SHISA6: variants seen among roughly 807,000 people sequenced by gnomAD.
SHISA6 encodes shisa family member 6.
SHISA6 carries 22 observed loss-of-function variants against 47.9 expected under a neutral mutation model. The observed-to-expected ratio is 0.46, with a 90% confidence interval of 0.33 to 0.66. The LOEUF is 0.66. Among genes scored for constraint, SHISA6 ranks in the 30% least tolerant of loss-of-function variants. SHISA6 has a pLI of 0.02. For missense variants in SHISA6, 680 were observed against 764.6 expected (o/e 0.89, Z 1.30); for synonymous variants, 388 against 337.8 (o/e 1.15, Z -1.63).
chr17:11,489,848 A>C (rs1257384126), intron 3 of SHISA6, among the ~76,000 whole-genome samples: 1 of 152,202 alleles, frequency 6.6e-6, no homozygotes, highest in Non-Finnish European at 1.5e-5. Flanking sequence ...AACATCCTAC[A>C]ATGCACAGAG....
chr17:11,294,047 G>A (rs1335396512), intron 2 of SHISA6, among the ~76,000 whole-genome samples: 4 of 151,890 alleles, frequency 2.6e-5, no homozygotes, highest in Admixed American at 6.6e-5. Flanking sequence ...CACCATGCCC[G>A]GCTAATTTTT....
At chr17:11,496,370 A>G (rs1395885071) in intron 3 of SHISA6, among the ~76,000 whole-genome samples, 4 of 152,192 alleles carry the variant, frequency 2.6e-5, no homozygotes, top group Non-Finnish European at 5.9e-5. Context: ...TAAAAATAAC[A>G]CGGTGGGCTG....
At chr17:11,469,904 G>C (rs1440507122) in intron 3 of SHISA6, among the ~76,000 whole-genome samples, 1 of 152,194 alleles carries the variant, frequency 6.6e-6, no homozygotes, top group African/African-American at 2.4e-5. Flanking sequence ...TTTGGAAACA[G>C]GGCCTTTAAG....
chr17:11,297,928 G>A (rs560163725), intron 2 of SHISA6, among the ~76,000 whole-genome samples: 3 of 152,300 alleles, frequency 2.0e-5, no homozygotes, highest in Admixed American at 6.5e-5. Flanking sequence ...GTTGGAGGAC[G>A]AGAAAGTTCC....
intron 3 of SHISA6, among the ~76,000 whole-genome samples, chr17:11,520,841 T>G (rs1457951044): frequency 6.6e-6 from 1 of 152,232 alleles, no homozygotes; most frequent in Non-Finnish European, 1.5e-5. Flanking sequence ...TGTCTAATTG[T>G]CATCTTTTCA....
At chr17:11,529,348 A>C (rs2071713800) in intron 3 of SHISA6, among the ~76,000 whole-genome samples, 1 of 152,130 alleles carries the variant, frequency 6.6e-6, no homozygotes, top group African/African-American at 2.4e-5. Flanking sequence ...CAGCCAACAA[A>C]CTATGCTGTC....
chr17:11,367,753 C>G (rs984112019), intron 2 of SHISA6, among the ~76,000 whole-genome samples: 1 of 152,122 alleles, frequency 6.6e-6, no homozygotes, highest in African/African-American at 2.4e-5. Context: ...GAGGATGGAC[C>G]ATGCCAACAC....
intron 3 of SHISA6, among the ~76,000 whole-genome samples, chr17:11,503,942 T>A (rs2908972): frequency 0.39 from 59,155 of 152,150 alleles, 11,533 homozygotes; most frequent in East Asian, 0.55. Context: ...TCTGTGTGTA[T>A]TTAACCTTGT....
At chr17:11,288,541 C>T (rs1188003684) in intron 2 of SHISA6, 1 of 152,096 alleles carries the variant, frequency 6.6e-6, no homozygotes, top group African/African-American at 2.4e-5. Flanking sequence ...GGCAACATAG[C>T]AAGCTATGCC....
At chr17:11,392,547 C>T (rs1267116328) in intron 3 of SHISA6, among the ~76,000 whole-genome samples, 1 of 152,208 alleles carries the variant, frequency 6.6e-6, no homozygotes, top group Non-Finnish European at 1.5e-5. Flanking sequence ...TCTCCATACA[C>T]ACCTAGACCC....
At chr17:11,388,984 C>G (rs1234084451) in intron 3 of SHISA6, among the ~76,000 whole-genome samples, 2 of 151,988 alleles carry the variant, frequency 1.3e-5, no homozygotes, top group Non-Finnish European at 2.9e-5. Context: ...ATACCCACCA[C>G]CCTCCAGAAA....
chr17:11,470,389 A>T (rs1427369499), intron 3 of SHISA6, among the ~76,000 whole-genome samples: 1 of 152,254 alleles, frequency 6.6e-6, no homozygotes, highest in Non-Finnish European at 1.5e-5. Context: ...ATCTCTAGGG[A>T]GAATTCCTAA....
intron 3 of SHISA6, among the ~76,000 whole-genome samples, chr17:11,462,285 C>A (rs768496126): frequency 9.9e-5 from 15 of 152,184 alleles, no homozygotes; most frequent in South Asian, 2.1e-4. Context: ...GCCATGCATT[C>A]TAAGGCTAAG....
Position 11,336,558 on chromosome 17 carries a change from G to A in SHISA6, c.800-42856G>A, listed in dbSNP as rs16944592. 6.8e-3 allele frequency among the ~76,000 whole-genome samples: 1,035 copies of A among 152,278 alleles called. 13 individuals carry two copies. The highest frequency in any genetic ancestry group is 0.024 in the African/African-American group (990 of 41,538). Reference sequence around the variant, plus strand: ...CTGTCCACACTCACTCTGACCCTGTGACAAAGCTTCTCAACGTCACACGCC... The same window carrying A: ...CTGTCCACACTCACTCTGACCCTGTAACAAAGCTTCTCAACGTCACACGCC... On this transcript the variant is annotated intron_variant, in intron 2 of 5. Coordinates refer to ENST00000441885, the MANE Select transcript of SHISA6 (RefSeq NM_207386.4).
At position 11,468,964 on chromosome 17, in the gene SHISA6, C is replaced by T. The variant is rs539710558; in HGVS notation, c.896-82932C>T. Reference sequence around the variant, plus strand: ...CCAGGAGGTAGAGGTTGCAGTGAGCCGCCAAGATCGTGCCACTGCACTCCA... The same window carrying T: ...CCAGGAGGTAGAGGTTGCAGTGAGCTGCCAAGATCGTGCCACTGCACTCCA... On this transcript the variant is annotated intron_variant, in intron 3 of 5. Transcript: ENST00000441885. Among the ~76,000 whole-genome samples the T allele has an allele frequency of 5.0e-5, 7 of 140,962 alleles. No homozygotes were observed. The East Asian group carries it at 1.3e-3, about 26-fold the overall frequency. 92.5% of individuals were successfully genotyped at this position (140,962 alleles called of 152,430 possible).
rs576602466 is a variant in SHISA6 at position 11,318,237 on chromosome 17, G to C, written c.799+54711G>C. 2.0e-4 allele frequency among the ~76,000 whole-genome samples: 30 copies of C among 152,252 alleles called. 1 individual carries two copies. The South Asian group carries it at 5.2e-3, about 26-fold the overall frequency. On this transcript the variant is annotated intron_variant, in intron 2 of 5. Transcript: ENST00000441885. ...TCGTTCCATTGTTTTATGACACCTAGTTTTGCAGCTGAGAAGTATAATACT... is the reference window on the plus strand; with the variant it reads ...TCGTTCCATTGTTTTATGACACCTACTTTTGCAGCTGAGAAGTATAATACT...
chr17:11,241,995 C>G lies in SHISA6; in HGVS notation c.573C>G (p.Ala191=). 1 of 1,551,074 alleles carries G rather than the reference C, an allele frequency of 6.4e-7. No homozygotes were observed. The highest frequency in any genetic ancestry group is 2.4e-5 in the East Asian group (1 of 40,896). ...TCGVIAFVIV[A]GVFAKVSYDK... is the part of the protein sequence containing the mutation. Reference sequence around the variant, plus strand: ...GGGTGATCGCCTTCGTCATCGTGGCCGGCGTCTTCGCCAAGGTCTCCTACG... The same window carrying G: ...GGGTGATCGCCTTCGTCATCGTGGCGGGCGTCTTCGCCAAGGTCTCCTACG... The change falls in exon 1 of 6, where the codon GCC becomes GCG. Residue 191 remains alanine (A), a synonymous_variant. Coordinates refer to ENST00000441885, the MANE Select transcript of SHISA6 (RefSeq NM_207386.4). This position sits in a 1 kb window ranked among gnomAD's most constrained non-coding sequence, Gnocchi z 5.5.
chr17:11,492,907 C>T (rs1188059479), intron 3 of SHISA6, among the ~76,000 whole-genome samples: 1 of 152,178 alleles, frequency 6.6e-6, no homozygotes, highest in African/African-American at 2.4e-5. Flanking sequence ...TCCTCTCTTC[C>T]CCTCCCCTGT....
chr17:11,438,751 G>C (rs1915012826), intron 3 of SHISA6, among the ~76,000 whole-genome samples: 1 of 152,158 alleles, frequency 6.6e-6, no homozygotes, highest in Non-Finnish European at 1.5e-5. Context: ...TAACCTTATG[G>C]AGTGAACTCA....
Sources: gnomAD v4.1 joint callset for allele counts (sites outside exome capture counted in the v4.1 genomes callset) on GRCh38, gnomAD v4.1.1 for gene constraint, Gnocchi (gnomAD v3.1) non-coding constraint, MANE v1.5 for transcripts, NCBI Gene and HGNC (gene_info 2026-07-23, HGNC 2026-07-21) for gene names.